The following RIPOR2 variants were observed in gnomAD, a reference collection of about 807,000 sequenced individuals.
The protein encoded by RIPOR2 is RHO family interacting cell polarization regulator 2, also known as rho family-interacting cell polarization regulator 2.
RIPOR2 carries 39 observed loss-of-function variants against 114.5 expected under a neutral mutation model. The observed-to-expected ratio is 0.34, with a 90% CI of 0.26 to 0.44. The LOEUF (loss-of-function observed/expected upper bound fraction) is 0.44. Among genes scored for constraint, RIPOR2 ranks in the 20% least tolerant of loss-of-function variants. The pLI is 1.00. For synonymous variants in RIPOR2, 445 were observed against 484.4 expected, an observed-to-expected ratio of 0.92 and a Z score of 1.07; for missense variants, 1,007 against 1,255.1, an observed-to-expected ratio of 0.80 and a Z score of 2.99.
rs57372855 is a variant in RIPOR2, at chr6:24,884,180, G to C, written c.62-8363C>G. On this transcript the variant is annotated intron_variant, in intron 1 of 21. Transcript: ENST00000643898. ...TCCCAGCACTTTGGGAGGCTGAGGC[G>C]GGCGGATCATGAGGTCAGGAGATCG... 6.2e-4 allele frequency among the ~76,000 whole-genome samples: 95 copies of C among 152,082 alleles called. 1 individual carries two copies. The East Asian group carries it at 0.017, about 27-fold the overall frequency.
chr6:24,943,867 A>T (rs1389600652), intron 1 of RIPOR2, among the ~76,000 whole-genome samples: 1 of 152,160 alleles, frequency 6.6e-6, no homozygotes, highest in Non-Finnish European at 1.5e-5. Flanking sequence ...TCTCTGGAAG[A>T]CTTCACTCAC....
intron 1 of RIPOR2, among the ~76,000 whole-genome samples, chr6:24,930,265 A>G (rs895604026): frequency 1.3e-5 from 2 of 152,240 alleles, no homozygotes; most frequent in Admixed American, 1.3e-4. Context: ...ACCTACAATG[A>G]GTATGCATGT....
At chr6:25,041,070 C>A (rs1383784591) in intron 1 of RIPOR2, among the ~76,000 whole-genome samples, 7 of 152,214 alleles carry the variant, frequency 4.6e-5, no homozygotes, top group Non-Finnish European at 1.0e-4. Context: ...TGTCATTTAT[C>A]ATCATGCTTT....
At chr6:24,970,012 G>A (rs1247344638) in intron 1 of RIPOR2, among the ~76,000 whole-genome samples, 2 of 152,178 alleles carry the variant, frequency 1.3e-5, no homozygotes, top group African/African-American at 4.8e-5. Context: ...TGAGTCTGGG[G>A]ATAGCTAAGG....
intron 1 of RIPOR2, among the ~76,000 whole-genome samples, chr6:24,996,887 C>T (rs531919523): frequency 1.9e-4 from 29 of 152,360 alleles, no homozygotes; most frequent in African/African-American, 6.0e-4. Flanking sequence ...ATTCCTAGCA[C>T]ATAGCATAAT....
chr6:25,039,426 C>G (rs1777379400), intron 1 of RIPOR2, among the ~76,000 whole-genome samples: 1 of 152,218 alleles, frequency 6.6e-6, no homozygotes, highest in Non-Finnish European at 1.5e-5. Context: ...CTTGACCATC[C>G]TGGAAGAATA....
At chr6:24,932,625 A>AT (rs970956118) in intron 1 of RIPOR2, among the ~76,000 whole-genome samples, 2 of 152,024 alleles carry the variant, frequency 1.3e-5, no homozygotes, top group Non-Finnish European at 2.9e-5. Context: ...TCATTGACTC[A>AT]TTTTTTTTCT....
chr6:25,033,166 G>A (rs1777076579), intron 1 of RIPOR2, among the ~76,000 whole-genome samples: 1 of 151,662 alleles, frequency 6.6e-6, no homozygotes. Context: ...AGTGAGCCGC[G>A]ACGGCGCCAC....
chr6:24,990,311 A>G (rs369248775), intron 1 of RIPOR2, among the ~76,000 whole-genome samples: 3 of 152,266 alleles, frequency 2.0e-5, no homozygotes, highest in African/African-American at 7.2e-5. Flanking sequence ...GGATATTTGC[A>G]AAAACATCAT....
At position 25,019,580 on chromosome 6, in the gene RIPOR2, T is replaced by C. The variant is rs1001760852; in HGVS notation, c.76+22271A>G. Among the ~76,000 whole-genome samples the C allele has an allele frequency of 1.6e-4, 23 of 144,972 alleles. 1 individual carries two copies. Among genetic ancestry groups the C allele is most frequent in the Non-Finnish European group, 3.0e-4 (20 of 66,656 alleles). ...GTCAGGAGATCGAGACCATCCTGGC[T>C]AACACGGTAAAAAAAAAACCCCTCT... On this transcript the variant is annotated intron_variant, in intron 1 of 13. Coordinates refer to the RIPOR2 transcript ENST00000510784.
intron 11 of RIPOR2, among the ~76,000 whole-genome samples, chr6:24,848,441 A>T (rs1239274275): frequency 1.6e-4 from 25 of 152,218 alleles, no homozygotes; most frequent in Admixed American, 1.6e-3. Context: ...CATTAGAAAC[A>T]CAAATTTATG....
At chr6:24,906,929 G>A (rs574859946) in intron 1 of RIPOR2, among the ~76,000 whole-genome samples, 26 of 152,058 alleles carry the variant, frequency 1.7e-4, no homozygotes, top group Non-Finnish European at 2.5e-4. Context: ...ATGAGCCACC[G>A]TGCCCAGCCA....
chr6:24,853,069 C>T (rs917808517), intron 8 of RIPOR2, among the ~76,000 whole-genome samples: 6 of 152,158 alleles, frequency 3.9e-5, no homozygotes, highest in African/African-American at 1.4e-4. Flanking sequence ...GCAGTTATTT[C>T]CCTTGCTGCC....
At chr6:25,023,292 C>G in intron 1 of RIPOR2, 11 of 767,340 alleles carry the variant, frequency 1.4e-5, no homozygotes, top group Non-Finnish European at 2.1e-5. Context: ...TATTCCTATT[C>G]CTTCAGCCTG....
At chr6:24,903,881 A>G (rs1768709658) in intron 1 of RIPOR2, among the ~76,000 whole-genome samples, 2 of 152,360 alleles carry the variant, frequency 1.3e-5, no homozygotes, top group South Asian at 4.1e-4. Flanking sequence ...GGATCGTGCC[A>G]TGCACATAGA....
intron 19 of RIPOR2, among the ~76,000 whole-genome samples, chr6:24,824,342 T>A (rs1176159734): frequency 6.6e-6 from 1 of 152,196 alleles, no homozygotes; most frequent in African/African-American, 2.4e-5. Flanking sequence ...AGTGGATTAT[T>A]TTCTTGTGAG....
rs1199821735 is a variant in RIPOR2, at chr6:24,865,374, G to A, written c.578C>T (p.Ala193Val). 1.2e-6 allele frequency: 2 copies of A among 1,613,584 alleles called. No individual in the cohort carries two copies. Residue 193 changes from alanine (A) to valine (V), a missense_variant, in exon 7 of 22, where the codon GCA (alanine) becomes GTA (valine). Transcript: ENST00000643898. ...DGASKMKQAF[A>V]TSPASKAARE... ...GGCAGCTTTGCTGGCAGGGGATGTT[G>A]CGAAGGCTTGCTTCATTTTGCTGGC...
At chr6:25,034,007 C>T (rs1777121245) in intron 1 of RIPOR2, among the ~76,000 whole-genome samples, 1 of 151,750 alleles carries the variant, frequency 6.6e-6, no homozygotes. Flanking sequence ...ATTCAATTTG[C>T]ATTTTTTCTC....
chr6:24,820,489 A>G (rs532689353), intron 19 of RIPOR2, among the ~76,000 whole-genome samples: 5 of 152,320 alleles, frequency 3.3e-5, no homozygotes, highest in East Asian at 1.9e-4. Flanking sequence ...CATTACCCCA[A>G]AAAGAAATCC....
Sources: allele counts gnomAD v4.1 joint callset (sites outside exome capture counted in the v4.1 genomes callset), GRCh38; gene constraint gnomAD v4.1.1; transcripts MANE v1.5; gene names NCBI Gene and HGNC (gene_info 2026-07-23, HGNC 2026-07-21).